Variants in DIP2A observed in about 807,000 individuals in gnomAD.
DIP2A encodes the protein DIP2 acetate--CoA ligase A.
A neutral mutation model predicts 177.4 loss-of-function variants in DIP2A; 85 were observed. That is an observed-to-expected ratio of 0.48 (90% CI 0.40 to 0.57). DIP2A has a LOEUF of 0.57. DIP2A is among the 20% of genes least tolerant of loss of function. The pLI, the probability that DIP2A is intolerant of heterozygous loss-of-function variation, is 0.00. For missense variants in DIP2A, 1,791 were observed against 2,100.2 expected, an observed-to-expected ratio of 0.85 and a Z score of 2.88; for synonymous variants, 886 against 881.8, an observed-to-expected ratio of 1.00 and a Z score of -0.08.
chr21:46,560,855 C>T, intron 33 of DIP2A, 72 bp downstream of exon 33: 1 of 1,542,492 alleles, frequency 6.5e-7, no homozygotes, highest in Non-Finnish European at 8.8e-7. Context: ...TCTGCACTGA[C>T]TATGCACCCC....
In DIP2A at chr21:46,554,831, T is replaced by C. The variant is rs1282556345; in HGVS notation, c.3286T>C (p.Ser1096Pro). ...TVKMIVEVSK[S>P]ACVLTTQAVT... ...GCCCCTCGCCATGCAGGTCAGCAAG[T>C]CTGCATGCGTCCTCACCACGCAGGC... The change falls in exon 28 of 38, where the codon TCT becomes CCT. Residue 1096 changes from serine (S) to proline (P), a missense_variant. By Grantham distance (74) the Ser-to-Pro change is moderately conservative. Coordinates refer to ENST00000417564, the MANE Select transcript of DIP2A (RefSeq NM_015151.4). 2 of 1,351,108 alleles carry C rather than the reference T, an allele frequency of 1.5e-6. No individual in the cohort carries two copies. The allele number at this position is 1,351,108 out of a possible 1,614,324, so 83.7% of individuals were successfully genotyped here.
chr21:46,478,250 T>C (rs981400405), intron 1 of DIP2A, among the ~76,000 whole-genome samples: 2 of 152,122 alleles, frequency 1.3e-5, no homozygotes, highest in African/African-American at 4.8e-5. Context: ...TTCGCTCTTG[T>C]TGCCCAGGCT....
chr21:46,561,907 A>T (rs1301028383), intron 34 of DIP2A, 102 bp downstream of exon 34: 19 of 1,529,910 alleles, frequency 1.2e-5, no homozygotes, highest in South Asian at 1.3e-5. Flanking sequence ...TGATGAACAC[A>T]GGTCGACTTC....
chr21:46,474,395 G>T (rs542904135), intron 1 of DIP2A, among the ~76,000 whole-genome samples: 1 of 152,240 alleles, frequency 6.6e-6, no homozygotes, highest in East Asian at 1.9e-4. Flanking sequence ...AAGGAGAAAT[G>T]AATAATGCAA....
chr21:46,528,637 A>G (rs1471007061), intron 8 of DIP2A, among the ~76,000 whole-genome samples: 1 of 136,692 alleles, frequency 7.3e-6, no homozygotes, highest in East Asian at 2.2e-4. Flanking sequence ...AGCAATTCTC[A>G]TGCTTCAGCC....
Position 46,543,139 on chromosome 21 carries a change from G to A in DIP2A, c.2176+1244G>A, listed in dbSNP as rs998824386. 3.3e-5 allele frequency among the ~76,000 whole-genome samples: 5 copies of A among 151,346 alleles called. No individual in the cohort carries two copies. In the South Asian group the frequency reaches 6.2e-4, roughly 19 times the overall value. On this transcript the variant is annotated intron_variant, in intron 18 of 37. Coordinates refer to ENST00000417564, the MANE Select transcript of DIP2A (RefSeq NM_015151.4). ...AGAAATAGAACAGTCAGTCTTGCAC[G>A]GTGCTTGAACCTGTCGTAAAATAAT...
chr21:46,533,904 G>A lies in DIP2A; in HGVS notation c.1430-100G>A, dbSNP rs569739288. The A allele has an allele frequency of 4.2e-5, 45 of 1,080,516 alleles. No individual in the cohort carries two copies. The African/African-American group carries it at 5.1e-4, about 12-fold the overall frequency. 66.9% of individuals were successfully genotyped at this position (1,080,516 alleles called of 1,614,324 possible). The stretch of plus-strand genomic sequence containing the variant: ...AGACTAAAACTTGCACTCCTTATTC[G>A]CTCAGTAGCTAGTGCTGCATGTTGG... On this transcript the variant is annotated intron_variant, in intron 11 of 37. Coordinates refer to ENST00000417564, the MANE Select transcript of DIP2A (RefSeq NM_015151.4).
chr21:46,566,007 G>GGC (rs1231035865), intron 36 of DIP2A, 120 bp downstream of exon 36: 1 of 1,105,560 alleles, frequency 9.0e-7, no homozygotes, highest in African/African-American at 2.2e-5. Context: ...TGCTCCTTGT[G>GGC]GGGGGAAGAT....
chr21:46,473,698 T>G (rs572818884), intron 1 of DIP2A, among the ~76,000 whole-genome samples: 20 of 152,180 alleles, frequency 1.3e-4, no homozygotes, highest in Admixed American at 7.9e-4. Flanking sequence ...GTATTTTTAG[T>G]AAAGATGGGG....
chr21:46,533,063 G>A (rs2059418351), intron 10 of DIP2A, among the ~76,000 whole-genome samples: 1 of 152,176 alleles, frequency 6.6e-6, no homozygotes, highest in Non-Finnish European at 1.5e-5. Flanking sequence ...TGAAGAAAAT[G>A]ACAGAATACT....
In DIP2A at chr21:46,554,407, C is replaced by A. The variant is rs2060380451; in HGVS notation, c.3154+115C>A. On this transcript the variant is annotated intron_variant, in intron 26 of 37. Transcript: ENST00000417564. ...TCTTCCAAAACTAAGCTCAGCCCCT[C>A]CTCTCTGCATGTGTCTGCCTCCTCA... 2.6e-6 allele frequency: 4 copies of A among 1,554,516 alleles called. No individual in the cohort carries two copies. The South Asian group carries it at 4.9e-5, about 19-fold the overall frequency.
intron 7 of DIP2A, among the ~76,000 whole-genome samples, chr21:46,510,801 T>G (rs2058272626): frequency 6.6e-6 from 1 of 151,892 alleles, no homozygotes; most frequent in South Asian, 2.1e-4. Context: ...TGGCTAATTT[T>G]TTTTTGTATT....
At chr21:46,482,135 C>T (rs980272169) in intron 1 of DIP2A, among the ~76,000 whole-genome samples, 3 of 152,168 alleles carry the variant, frequency 2.0e-5, no homozygotes, top group Non-Finnish European at 4.4e-5. Context: ...TCTAACAAGA[C>T]CGACAGTGAG....
At chr21:46,558,657 A>G in intron 32 of DIP2A, 1 of 493,956 alleles carries the variant, frequency 2.0e-6, no homozygotes, top group Non-Finnish European at 3.6e-6. Context: ...TCTAAGTTAG[A>G]TATAAAACAC....
downstream of DIP2A, among the ~76,000 whole-genome samples, chr21:46,570,402 A>G (rs1435702858): frequency 6.6e-6 from 1 of 152,188 alleles, no homozygotes; most frequent in Non-Finnish European, 1.5e-5. Context: ...CCTCGTGTTC[A>G]TGGCCATTTT....
chr21:46,500,054 A>C (rs1346997381), intron 5 of DIP2A, among the ~76,000 whole-genome samples: 1 of 152,068 alleles, frequency 6.6e-6, no homozygotes, highest in East Asian at 1.9e-4. Context: ...ACTGGGGGCA[A>C]GTTGGGTATG....
Position 46,504,406 on chromosome 21 carries a change from A to T in DIP2A, c.701A>T (p.His234Leu), listed in dbSNP as rs377611947. 5.6e-6 allele frequency: 9 copies of T among 1,613,792 alleles called. No individual in the cohort carries two copies. The African/African-American group carries it at 1.2e-4, about 22-fold the overall frequency. ...PPDVTTGLVE[H>L]SYFERPQVAS... is the part of the protein sequence containing the mutation. ...GATGTCACCACGGGCCTCGTGGAGC[A>T]TTCGTACTTTGAGCGTCCACAGGTG... Residue 234 changes from histidine to leucine, a missense_variant, in exon 6 of 38, where the codon CAT (histidine) becomes CTT (leucine). His to Leu is a moderately conservative substitution (Grantham distance 99, BLOSUM62 -3). Transcript: ENST00000417564.
At chr21:46,528,527 C>CCTTTTTTT (rs2059207496) in intron 8 of DIP2A, among the ~76,000 whole-genome samples, 1 of 29,380 alleles carries the variant, frequency 3.4e-5, no homozygotes, top group Non-Finnish European at 5.6e-5. Context: ...TTTCTGCTTG[C>CCTTTTTTT]TTTTTTTTTT....
At chr21:46,580,643 G>T in the DIP2A span, among the ~76,000 whole-genome samples, 1 of 152,170 alleles carries the variant, frequency 6.6e-6, no homozygotes, top group Non-Finnish European at 1.5e-5. Flanking sequence ...AGGCCTGGTA[G>T]TGATGAATTC....
Sources: gnomAD v4.1 joint callset for allele counts (sites outside exome capture counted in the v4.1 genomes callset) on GRCh38, gnomAD v4.1.1 for gene constraint, MANE v1.5 for transcripts, NCBI Gene and HGNC (gene_info 2026-07-23, HGNC 2026-07-21) for gene names.